The following RNLS variants were observed in gnomAD, a reference collection of about 807,000 sequenced individuals.
The protein encoded by RNLS is renalase.
Under a neutral mutation model 39.8 loss-of-function variants are expected in RNLS, and 39 were observed. The ratio of observed to expected loss-of-function variants is 0.98; its 90% CI spans 0.76 to 1.28. The LOEUF is 1.28. RNLS is among the 50% of genes most tolerant of loss of function. The pLI is 0.00. For synonymous variants in RNLS, 147 were observed against 150.7 expected (o/e 0.98, Z 0.18); for missense variants, 410 against 413.3 (o/e 0.99, Z 0.07).
intron 4 of RNLS, among the ~76,000 whole-genome samples, chr10:88,434,440 C>CT (rs1287630648): frequency 6.6e-6 from 1 of 152,026 alleles, no homozygotes; most frequent in South Asian, 2.1e-4. Context: ...GGAGGCAAAG[C>CT]TTTTTTTGGT....
the RNLS span, among the ~76,000 whole-genome samples, chr10:88,224,365 A>T: frequency 3.4e-4 from 52 of 152,292 alleles, no homozygotes; most frequent in African/African-American, 1.1e-3. Flanking sequence ...TAAGCTTCAA[A>T]GTGAAATTTG....
the RNLS span, among the ~76,000 whole-genome samples, chr10:88,202,111 T>C: frequency 2.0e-5 from 3 of 151,990 alleles, no homozygotes; most frequent in Non-Finnish European, 1.5e-5. Flanking sequence ...TGGAATACTA[T>C]GCAGCCATAA....
At chr10:88,344,074 T>C (rs1443155182) in intron 5 of RNLS, among the ~76,000 whole-genome samples, 2 of 152,154 alleles carry the variant, frequency 1.3e-5, no homozygotes, top group Admixed American at 1.3e-4. Context: ...AAATTTTGTG[T>C]TAAGTGGTAT....
intron 4 of RNLS, among the ~76,000 whole-genome samples, chr10:88,433,610 C>T (rs777105683): frequency 6.6e-6 from 1 of 151,974 alleles, no homozygotes; most frequent in Admixed American, 6.6e-5. Flanking sequence ...TAATTTACTT[C>T]CTTTGCTTTT....
At chr10:88,389,479 G>A (rs1228292281) in intron 4 of RNLS, among the ~76,000 whole-genome samples, 1 of 152,144 alleles carries the variant, frequency 6.6e-6, no homozygotes, top group Admixed American at 6.5e-5. Flanking sequence ...TAAAAGTCAC[G>A]ATGGAATAAA....
chr10:88,341,437 C>T (rs1847954678), intron 5 of RNLS, among the ~76,000 whole-genome samples: 1 of 151,426 alleles, frequency 6.6e-6, no homozygotes, highest in South Asian at 2.1e-4. Flanking sequence ...TAAATAGACA[C>T]TGAATGTATA....
intron 4 of RNLS, among the ~76,000 whole-genome samples, chr10:88,405,839 G>C (rs751016197): frequency 2.0e-5 from 3 of 152,072 alleles, no homozygotes; most frequent in African/African-American, 7.2e-5. Context: ...ATACTTTAAA[G>C]AGGTTCTGTT....
At position 88,438,881 on chromosome 10, in the gene RNLS, T is replaced by C. The variant is rs559799651; in HGVS notation, c.527-76156A>G. Among the ~76,000 whole-genome samples, 85 of 151,006 alleles carry C rather than the reference T, an allele frequency of 5.6e-4. 3 individuals carry two copies. In the South Asian group the frequency reaches 0.018, roughly 32 times the overall value. On this transcript the variant is annotated intron_variant, in intron 4 of 6. Coordinates refer to ENST00000331772, the MANE Select transcript of RNLS (RefSeq NM_001031709.3). Reference sequence around the variant, plus strand: ...CTTAATATATATATCCATATTATCATAATAAATTCCCTTTTGCTTAGGTTA... The same window carrying C: ...CTTAATATATATATCCATATTATCACAATAAATTCCCTTTTGCTTAGGTTA...
chr10:88,208,716 T>A, the RNLS span, among the ~76,000 whole-genome samples: 4 of 152,090 alleles, frequency 2.6e-5, no homozygotes, highest in Non-Finnish European at 5.9e-5. Context: ...TCTACAGAAA[T>A]TTCTGATATT....
At chr10:88,442,223 T>C (rs1406232679) in intron 4 of RNLS, among the ~76,000 whole-genome samples, 1 of 152,204 alleles carries the variant, frequency 6.6e-6, no homozygotes, top group Non-Finnish European at 1.5e-5. Context: ...TTCCAGAAGG[T>C]AAAGAGAAAG....
intron 4 of RNLS, among the ~76,000 whole-genome samples, chr10:88,564,246 C>T (rs1849360694): frequency 6.6e-6 from 1 of 151,924 alleles, no homozygotes; most frequent in Admixed American, 6.6e-5. Context: ...AAACAAACTC[C>T]TTTCCCCATC....
chr10:88,332,259 C>T lies in RNLS; in HGVS notation c.701-17618G>A, dbSNP rs573994391. Reference sequence around the variant, plus strand: ...ACTTTGTTACCTCCAACTTTATCTACGGCAGGGACTTTTGTAGTATTTATA... The same window carrying T: ...ACTTTGTTACCTCCAACTTTATCTATGGCAGGGACTTTTGTAGTATTTATA... On this transcript the variant is annotated intron_variant, in intron 5 of 6. Transcript: ENST00000331772. 2.0e-5 allele frequency among the ~76,000 whole-genome samples: 3 copies of T among 152,338 alleles called. No homozygotes were observed. In the East Asian group the frequency reaches 5.8e-4, roughly 29 times the overall value.
the RNLS span, among the ~76,000 whole-genome samples, chr10:88,184,584 A>C: frequency 2.0e-5 from 3 of 152,140 alleles, no homozygotes; most frequent in African/African-American, 7.2e-5. Flanking sequence ...CTACACATTC[A>C]TAACAACTAT....
At chr10:88,508,301 C>A (rs1340021171) in intron 4 of RNLS, among the ~76,000 whole-genome samples, 2 of 152,104 alleles carry the variant, frequency 1.3e-5, no homozygotes, top group Non-Finnish European at 2.9e-5. Flanking sequence ...CACTTACAAG[C>A]TGTGTAACCT....
At chr10:88,237,384 A>G in the RNLS span, among the ~76,000 whole-genome samples, 1 of 151,908 alleles carries the variant, frequency 6.6e-6, no homozygotes, top group African/African-American at 2.4e-5. Context: ...TCATTCATCT[A>G]CAAAGGAATT....
intron 4 of RNLS, among the ~76,000 whole-genome samples, chr10:88,407,588 C>T (rs565368401): frequency 5.3e-5 from 8 of 152,108 alleles, no homozygotes; most frequent in Admixed American, 4.6e-4. Flanking sequence ...AAGGACAACT[C>T]TAACTCCTTC....
At chr10:88,403,691 T>G (rs2133656308) in intron 4 of RNLS, among the ~76,000 whole-genome samples, 1 of 152,094 alleles carries the variant, frequency 6.6e-6, no homozygotes, top group East Asian at 1.9e-4. Flanking sequence ...TAAAGGATTC[T>G]TGTAGCTTTT....
In RNLS at chr10:88,362,768, T is replaced by G. The variant is rs113697812; in HGVS notation, c.527-43A>C. 3.1e-5 allele frequency: 49 copies of G among 1,578,234 alleles called. No individual in the cohort carries two copies. In the African/African-American group the frequency reaches 4.6e-4, roughly 15 times the overall value. On this transcript the variant is annotated intron_variant, in intron 4 of 6. Transcript: ENST00000331772. Reference sequence around the variant, plus strand: ...AAAGGCATCAAACTTAAAAATACCATCTTTCCTTTTAGCACATCAAATATA... The same window carrying G: ...AAAGGCATCAAACTTAAAAATACCAGCTTTCCTTTTAGCACATCAAATATA...
chr10:88,356,173 G>T (rs2133330180), intron 5 of RNLS, among the ~76,000 whole-genome samples: 1 of 152,298 alleles, frequency 6.6e-6, no homozygotes. Flanking sequence ...CCCACGTGAG[G>T]CGATGCCTCT....
Sources: allele counts gnomAD v4.1 joint callset (sites outside exome capture counted in the v4.1 genomes callset), GRCh38; gene constraint gnomAD v4.1.1; transcripts MANE v1.5; gene names NCBI Gene and HGNC (gene_info 2026-07-23, HGNC 2026-07-21).